The following ZNF385D variants were observed in gnomAD, a reference collection of about 807,000 sequenced individuals.
The protein encoded by ZNF385D is zinc finger protein 659.
Under a neutral mutation model 35.8 loss-of-function variants are expected in ZNF385D, and 15 were observed. The ratio of observed to expected loss-of-function variants is 0.42; its 90% CI spans 0.28 to 0.64. The LOEUF (loss-of-function observed/expected upper bound fraction) is 0.64, where lower values mean the gene tolerates loss of function less well. ZNF385D is among the 30% of genes least tolerant of loss of function. The probability of loss-of-function intolerance (pLI) is 0.23; values close to 1 mark genes in which losing one functional copy is unlikely to be tolerated. For synonymous variants in ZNF385D, 212 were observed against 186.8 expected (o/e 1.13, Z -1.10); for missense variants, 474 against 494.6 (o/e 0.96, Z 0.39).
intron 1 of ZNF385D, among the ~76,000 whole-genome samples, chr3:21,696,968 G>C (rs2067493011): frequency 6.6e-6 from 1 of 152,168 alleles, no homozygotes; most frequent in African/African-American, 2.4e-5. Context: ...AAAACTACAA[G>C]AATACTTTTA....
intron 3 of ZNF385D, among the ~76,000 whole-genome samples, chr3:21,527,154 T>G (rs1708275833): frequency 6.6e-6 from 1 of 152,332 alleles, no homozygotes; most frequent in Non-Finnish European, 1.5e-5. Context: ...GATATATTTT[T>G]CTATCAGTAG....
chr3:22,112,426 G>A (rs62246426), intron 3 of ZNF385D, among the ~76,000 whole-genome samples: 34,851 of 151,972 alleles, frequency 0.23, 4,791 homozygotes, highest in Middle Eastern at 0.36. Flanking sequence ...TTTAGAGGAC[G>A]TAAAAAGAAT....
chr3:21,483,652 C>T (rs547500594), intron 4 of ZNF385D, among the ~76,000 whole-genome samples: 100 of 152,206 alleles, frequency 6.6e-4, no homozygotes, highest in Non-Finnish European at 9.6e-4. Context: ...TGCTGATTTG[C>T]ATTTCCCTGA....
In ZNF385D at chr3:22,226,386, C is replaced by T. The variant is rs140070013; in HGVS notation, c.107-57351G>A. On this transcript the variant is annotated intron_variant, in intron 2 of 5. Transcript: ENST00000494108. Reference sequence around the variant, plus strand: ...TGCCATTTCAGAAAGCTACCCAGCACGAGCAGAGAGAGCTCAGCAGAAAAC... The same window carrying T: ...TGCCATTTCAGAAAGCTACCCAGCATGAGCAGAGAGAGCTCAGCAGAAAAC... 1.7e-4 allele frequency among the ~76,000 whole-genome samples: 26 copies of T among 152,148 alleles called. No individual in the cohort carries two copies. In the East Asian group the frequency reaches 2.5e-3, roughly 15 times the overall value.
chr3:21,865,824 T>C (rs1042443536), intron 3 of ZNF385D, among the ~76,000 whole-genome samples: 1 of 152,144 alleles, frequency 6.6e-6, no homozygotes, highest in African/African-American at 2.4e-5. Flanking sequence ...TACTCTTTAC[T>C]ACTTCAATAC....
chr3:22,092,604 C>G (rs1006671150), intron 3 of ZNF385D, among the ~76,000 whole-genome samples: 1 of 152,112 alleles, frequency 6.6e-6, no homozygotes, highest in South Asian at 2.1e-4. Context: ...GTTCCAGACC[C>G]TCTTGCTTCT....
chr3:22,312,391 A>T (rs918318693), intron 2 of ZNF385D, among the ~76,000 whole-genome samples: 1 of 152,184 alleles, frequency 6.6e-6, no homozygotes, highest in Non-Finnish European at 1.5e-5. Context: ...AGTCTCACTA[A>T]GATGTAGATA....
intron 4 of ZNF385D, among the ~76,000 whole-genome samples, chr3:21,502,475 G>C (rs2125442783): frequency 6.6e-6 from 1 of 152,250 alleles, no homozygotes; most frequent in East Asian, 1.9e-4. Context: ...ATTTTTATGT[G>C]ATGCAGGGAG....
At chr3:22,030,783 C>A (rs1284552708) in intron 3 of ZNF385D, among the ~76,000 whole-genome samples, 1 of 152,138 alleles carries the variant, frequency 6.6e-6, no homozygotes, top group East Asian at 1.9e-4. Flanking sequence ...TAACTCATTC[C>A]AGCATTAACT....
chr3:21,785,225 A>AT (rs1339857519), intron 3 of ZNF385D, among the ~76,000 whole-genome samples: 10 of 152,162 alleles, frequency 6.6e-5, no homozygotes, highest in Admixed American at 6.5e-4. Context: ...AGCCCCATAT[A>AT]TTTTCTAGCT....
At chr3:21,611,613 C>T (rs1305313477) in intron 2 of ZNF385D, among the ~76,000 whole-genome samples, 2 of 151,954 alleles carry the variant, frequency 1.3e-5, no homozygotes, top group South Asian at 2.1e-4. Flanking sequence ...TTTGAAAGTA[C>T]ATTATGTTAA....
intron 1 of ZNF385D, among the ~76,000 whole-genome samples, chr3:21,685,380 CAG>C (rs1163935118): frequency 6.6e-6 from 1 of 152,116 alleles, no homozygotes; most frequent in Non-Finnish European, 1.5e-5. Flanking sequence ...GAGAAACAAA[CAG>C]AATATGGTAC....
chr3:22,171,651 T>C (rs1576441050), intron 2 of ZNF385D, among the ~76,000 whole-genome samples: 1 of 151,396 alleles, frequency 6.6e-6, no homozygotes, highest in Admixed American at 6.6e-5. Context: ...CCGAGGCGGG[T>C]GGATCACAAG....
chr3:21,747,700 A>G (rs2069845849), intron 1 of ZNF385D, among the ~76,000 whole-genome samples: 1 of 152,220 alleles, frequency 6.6e-6, no homozygotes, highest in Non-Finnish European at 1.5e-5. Flanking sequence ...GGTGCACTCA[A>G]GCAAATAACC....
chr3:21,689,449 G>A (rs1036889768), intron 1 of ZNF385D, among the ~76,000 whole-genome samples: 2 of 152,218 alleles, frequency 1.3e-5, no homozygotes, highest in Middle Eastern at 6.8e-3. Context: ...TTGATTGGGG[G>A]TCTTTAGCAA....
intron 2 of ZNF385D, among the ~76,000 whole-genome samples, chr3:22,233,871 A>G (rs1699032445): frequency 1.3e-5 from 2 of 152,026 alleles, no homozygotes; most frequent in Admixed American, 1.3e-4. Flanking sequence ...TTAAAAACCC[A>G]TTTCCTTGAT....
At chr3:21,459,406 G>A (rs1020998740) in intron 4 of ZNF385D, 6 of 152,124 alleles carry the variant, frequency 3.9e-5, no homozygotes, top group Admixed American at 2.6e-4. Context: ...TACTTATTAT[G>A]TGGCTGGCTG....
intron 3 of ZNF385D, among the ~76,000 whole-genome samples, chr3:22,071,767 G>C (rs868061639): frequency 6.6e-6 from 1 of 152,092 alleles, no homozygotes; most frequent in Non-Finnish European, 1.5e-5. Context: ...AACAAGATTA[G>C]TAAAAGGCCT....
intron 3 of ZNF385D, among the ~76,000 whole-genome samples, chr3:22,149,450 G>T (rs917605163): frequency 6.6e-6 from 1 of 152,196 alleles, no homozygotes; most frequent in Admixed American, 6.5e-5. Flanking sequence ...TTAAGCTTGA[G>T]CATGCAACAG....
Sources: allele counts gnomAD v4.1 joint callset (sites outside exome capture counted in the v4.1 genomes callset), GRCh38; gene constraint gnomAD v4.1.1; transcripts MANE v1.5; gene names NCBI Gene and HGNC (gene_info 2026-07-23, HGNC 2026-07-21).